RASEF: variants seen among roughly 807,000 people sequenced by gnomAD.
RASEF encodes ras and EF-hand domain-containing protein.
In RASEF, 68 loss-of-function variants were observed where a neutral mutation model predicts 90.1. The ratio of observed to expected loss-of-function variants is 0.75; its 90% CI spans 0.62 to 0.92. The LOEUF is 0.92. Ranked by LOEUF, RASEF falls within the 40% of genes least tolerant of loss-of-function variation. RASEF has a pLI of 0.00. For synonymous variants in RASEF, 331 were observed against 345.2 expected (o/e 0.96, Z 0.46); for missense variants, 949 against 937.2 (o/e 1.01, Z -0.16).
At chr9:83,061,190 C>T (rs1830194611) in intron 1 of RASEF, among the ~76,000 whole-genome samples, 2 of 152,292 alleles carry the variant, frequency 1.3e-5, no homozygotes, top group Middle Eastern at 3.4e-3. Context: ...GGGAGTAACT[C>T]ATTTGTAAAT....
At chr9:83,011,697 T>A (rs552450613) in intron 5 of RASEF, among the ~76,000 whole-genome samples, 1 of 132,240 alleles carries the variant, frequency 7.6e-6, no homozygotes, top group Admixed American at 7.7e-5. Context: ...GGTAGTGCTT[T>A]TTGCAAGAAG....
At chr9:83,019,475 T>A (rs1829404031) in intron 3 of RASEF, among the ~76,000 whole-genome samples, 2 of 152,200 alleles carry the variant, frequency 1.3e-5, no homozygotes, top group African/African-American at 2.4e-5. Context: ...ACACTGCTGA[T>A]TGAATCATAC....
the RASEF span, among the ~76,000 whole-genome samples, chr9:83,212,526 G>A: frequency 0.44 from 66,223 of 152,068 alleles, 15,093 homozygotes; most frequent in South Asian, 0.61. Context: ...TGACAGTGTC[G>A]GTATATATAG....
chr9:83,144,391 G>GAAAGAAAAGAAAGAAAGAAAGAAAGAAA, the RASEF span, among the ~76,000 whole-genome samples: 4 of 33,242 alleles, frequency 1.2e-4, no homozygotes, highest in Admixed American at 4.3e-4. Flanking sequence ...AAGAAAGAAA[G>GAAAGAAAAGAAAGAAAGAAAGAAAGAAA]GAAAGAAAGA....
chr9:83,154,569 T>G, the RASEF span, among the ~76,000 whole-genome samples: 1 of 152,152 alleles, frequency 6.6e-6, no homozygotes, highest in Non-Finnish European at 1.5e-5. Context: ...ACTTCCTGAG[T>G]GCACCTGATG....
chr9:83,190,009 C>T, the RASEF span, among the ~76,000 whole-genome samples: 1 of 152,262 alleles, frequency 6.6e-6, no homozygotes, highest in Non-Finnish European at 1.5e-5. Context: ...CTAAGCTGCC[C>T]CAAATGTTCT....
chr9:83,049,361 C>T (rs975706622), intron 1 of RASEF: 4 of 984,534 alleles, frequency 4.1e-6, no homozygotes, highest in African/African-American at 3.5e-5. Context: ...AGTCAATGTC[C>T]GTGCGGGACT....
At chr9:83,204,315 A>G in the RASEF span, among the ~76,000 whole-genome samples, 4 of 152,014 alleles carry the variant, frequency 2.6e-5, no homozygotes, top group African/African-American at 9.7e-5. Flanking sequence ...TGTTGTTTCA[A>G]TTTGCAAAGT....
chr9:83,095,934 A>G, the RASEF span, among the ~76,000 whole-genome samples: 1 of 152,156 alleles, frequency 6.6e-6, no homozygotes, highest in Non-Finnish European at 1.5e-5. Flanking sequence ...TCAGGTCCAG[A>G]TACTTGAGCT....
the RASEF span, among the ~76,000 whole-genome samples, chr9:83,216,665 C>G: frequency 2.0e-5 from 3 of 152,320 alleles, no homozygotes; most frequent in South Asian, 6.2e-4. Context: ...GTTGAAGCCA[C>G]TGAAGCCCCC....
the RASEF span, among the ~76,000 whole-genome samples, chr9:83,114,027 G>A: frequency 2.0e-5 from 3 of 152,124 alleles, no homozygotes; most frequent in Non-Finnish European, 4.4e-5. Flanking sequence ...TAGAGACCCA[G>A]CTGTAAAATT....
the RASEF span, among the ~76,000 whole-genome samples, chr9:83,207,315 C>A: frequency 6.6e-6 from 1 of 152,296 alleles, no homozygotes; most frequent in South Asian, 2.1e-4. Flanking sequence ...GGGGCTTTTC[C>A]TTTTGCTCTC....
chr9:83,157,156 G>A, the RASEF span, among the ~76,000 whole-genome samples: 3 of 152,342 alleles, frequency 2.0e-5, no homozygotes, highest in East Asian at 5.8e-4. Context: ...GACACACAAA[G>A]ATGCAGGTAG....
At chr9:83,197,026 A>G in the RASEF span, among the ~76,000 whole-genome samples, 3 of 152,240 alleles carry the variant, frequency 2.0e-5, no homozygotes, top group Admixed American at 2.0e-4. Context: ...ACTGAACAAA[A>G]CAGCCCATGG....
At chr9:83,062,157 G>A (rs776912820) in intron 1 of RASEF, among the ~76,000 whole-genome samples, 2 of 152,200 alleles carry the variant, frequency 1.3e-5, no homozygotes, top group South Asian at 2.1e-4. Flanking sequence ...CGGGGCGCCA[G>A]CAGCTGCAGA....
the RASEF span, among the ~76,000 whole-genome samples, chr9:83,183,846 C>T: frequency 6.6e-6 from 1 of 152,188 alleles, no homozygotes; most frequent in Non-Finnish European, 1.5e-5. Flanking sequence ...AAAGCAGTCC[C>T]TCTGGGAGGG....
At chr9:83,195,323 A>G in the RASEF span, among the ~76,000 whole-genome samples, 1 of 152,180 alleles carries the variant, frequency 6.6e-6, no homozygotes, top group Non-Finnish European at 1.5e-5. Flanking sequence ...CTCTCTCTCC[A>G]ATATGCCTGA....
chr9:83,019,323 C>CAA (rs1196423313), intron 3 of RASEF, among the ~76,000 whole-genome samples: 3 of 151,346 alleles, frequency 2.0e-5, no homozygotes, highest in African/African-American at 7.3e-5. Context: ...GATACTTCAG[C>CAA]AAAAAATATA....
intron 1 of RASEF, among the ~76,000 whole-genome samples, chr9:83,057,014 G>T (rs940192637): frequency 1.3e-5 from 2 of 152,124 alleles, no homozygotes; most frequent in African/African-American, 4.8e-5. Flanking sequence ...TCAAATATCA[G>T]AACCAGAAGT....
Sources: allele counts gnomAD v4.1 joint callset (sites outside exome capture counted in the v4.1 genomes callset), GRCh38; gene constraint gnomAD v4.1.1; transcripts MANE v1.5; gene names NCBI Gene and HGNC (gene_info 2026-07-23, HGNC 2026-07-21).